The following MED16 variants were observed in gnomAD, a reference collection of about 807,000 sequenced individuals.
The protein encoded by MED16 is mediator of RNA polymerase II transcription subunit 16.
In MED16, 81 loss-of-function variants were observed where a neutral mutation model predicts 84.4. The observed-to-expected ratio is 0.96, with a 90% CI of 0.80 to 1.15. The LOEUF is 1.15. Among genes scored for constraint, MED16 ranks in the 50% most tolerant of loss-of-function variants. MED16 has a pLI of 0.00. For missense variants in MED16, 1,585 were observed against 1,245.9 expected (o/e 1.27, Z -4.10); for synonymous variants, 897 against 552.2 (o/e 1.62, Z -8.76).
intron 10 of MED16, 65 bp downstream of exon 10, chr19:875,179 A>G: frequency 8.7e-7 from 1 of 1,148,318 alleles, no homozygotes; most frequent in East Asian, 2.7e-5. Context: ...AGTAAAAAAA[A>G]TAAATAAAAA....
At chr19:888,961 C>A (rs1272623114) in intron 4 of MED16, among the ~76,000 whole-genome samples, 1 of 152,194 alleles carries the variant, frequency 6.6e-6, no homozygotes, top group African/African-American at 2.4e-5. Context: ...CGAGACCCTG[C>A]CGTCAGTGAG....
chr19:870,870 G>A (rs1228759964), intron 13 of MED16, among the ~76,000 whole-genome samples, 167 bp downstream of exon 13: 4 of 144,104 alleles, frequency 2.8e-5, no homozygotes, highest in Non-Finnish European at 4.6e-5. Flanking sequence ...AGGGAGCCGT[G>A]TGGATTCGGG....
chr19:871,433 C>G (rs1178756009), intron 12 of MED16, among the ~76,000 whole-genome samples, 180 bp from the exon 13 acceptor site: 1 of 152,020 alleles, frequency 6.6e-6, no homozygotes, highest in African/African-American at 2.4e-5. Context: ...GCCTGCCTGG[C>G]TGGGTGACCC....
intron 12 of MED16, chr19:871,604 GC>G: frequency 1.3e-6 from 2 of 1,595,642 alleles, no homozygotes; most frequent in Non-Finnish European, 1.7e-6. Flanking sequence ...GCAAACAGGT[GC>G]CTGGAAGTGG....
intron 6 of MED16, among the ~76,000 whole-genome samples, chr19:884,661 G>A (rs1025986346): frequency 6.6e-6 from 1 of 152,222 alleles, no homozygotes; most frequent in Non-Finnish European, 1.5e-5. Context: ...CGCACAGAAT[G>A]GTGGCAGCCG....
At chr19:892,903 G>A (rs2036669596) in intron 1 of MED16, 183 bp downstream of exon 1, 2 of 42,966 alleles carry the variant, frequency 4.7e-5, no homozygotes, top group South Asian at 4.6e-4. Flanking sequence ...CGCGCCCCGC[G>A]CCCCGCGCCC....
In MED16 at chr19:884,889, G is replaced by GGCGGGAGACTCACCCAC. The variant is rs2036494435; in HGVS notation, c.982_985+13dup. The GGCGGGAGACTCACCCAC allele has an allele frequency of 3.1e-6, 5 of 1,593,482 alleles. No homozygotes were observed. In the South Asian group the frequency reaches 4.5e-5, roughly 14 times the overall value. On this transcript the variant is annotated intron_variant, in intron 6 of 15. Coordinates refer to ENST00000325464, the MANE Select transcript of MED16 (RefSeq NM_005481.3). ...GGGCAGGCCCAGGGCCTCCGCAGCC[G>GGCGGGAGACTCACCCAC]GCGGGAGACTCACCCACGGGGGAGA...
In MED16 at chr19:890,056, C is replaced by G. The variant is rs146923019; in HGVS notation, c.277+81G>C. On this transcript the variant is annotated intron_variant, in intron 3 of 15. Coordinates refer to ENST00000325464, the MANE Select transcript of MED16 (RefSeq NM_005481.3). Reference sequence around the variant, plus strand: ...GGGCTCTAGACCCAGCGCCGGACTCCAGACTGACCGGAGAAACACAGGGCC... The same window carrying G: ...GGGCTCTAGACCCAGCGCCGGACTCGAGACTGACCGGAGAAACACAGGGCC... 868 of 1,154,690 alleles carry G rather than the reference C, an allele frequency of 7.5e-4. 11 individuals are homozygous for G. In the African/African-American group the frequency reaches 0.012, roughly 16 times the overall value. 71.5% of individuals were successfully genotyped at this position (1,154,690 alleles called of 1,614,324 possible).
At chr19:891,547 C>T (rs1320700267) in intron 1 of MED16, among the ~76,000 whole-genome samples, 1 of 152,118 alleles carries the variant, frequency 6.6e-6, no homozygotes, top group Non-Finnish European at 1.5e-5. Context: ...GAAGAGCCCG[C>T]AGACAGGCAA....
intron 12 of MED16, 26 bp from the exon 13 acceptor site, chr19:871,279 C>T (rs2036046939): frequency 6.6e-7 from 1 of 1,520,994 alleles, no homozygotes; most frequent in Admixed American, 2.0e-5. Flanking sequence ...GCGGAAGTCT[C>T]AGCACCCCTG....
intron 6 of MED16, among the ~76,000 whole-genome samples, chr19:883,417 G>A (rs570929892): frequency 6.9e-6 from 1 of 145,522 alleles, no homozygotes; most frequent in African/African-American, 2.6e-5. Flanking sequence ...AGCCTGGCAC[G>A]GTGGGCACGT....
At chr19:884,881 C>T in intron 6 of MED16, 22 bp downstream of exon 6, 1 of 1,584,000 alleles carries the variant, frequency 6.3e-7, no homozygotes, top group African/African-American at 1.3e-5. Flanking sequence ...CCCAGGGCCT[C>T]CGCAGCCGGC....
At position 868,422 on chromosome 19, in the gene MED16, T is replaced by C. The variant is rs778924170; in HGVS notation, c.2477A>G (p.Asn826Ser). 1 of 1,610,378 alleles carries C rather than the reference T, an allele frequency of 6.2e-7. No individual in the cohort carries two copies. Among genetic ancestry groups the C allele is most frequent in the Non-Finnish European group, 8.5e-7 (1 of 1,179,862 alleles). ...VKQWEQRWIK[N>S]CLAVEGRGPD... is the part of the protein sequence containing the mutation. ...CCACCAGAGCCCACCGCACAGGCAG[T>C]TCTTGATCCAGCGCTGCTCCCACTG... The change falls in exon 15 of 16, where the codon AAC becomes AGC. Residue 826 changes from asparagine to serine, a missense_variant. Physicochemically the swap from Asn to Ser is conservative, Grantham distance 46. Transcript: ENST00000325464.
At chr19:878,263 C>T (rs2036312557) in intron 8 of MED16, among the ~76,000 whole-genome samples, 1 of 73,262 alleles carries the variant, frequency 1.4e-5, no homozygotes, top group Non-Finnish European at 2.6e-5. Context: ...GCCCCACGGG[C>T]CCCAGCAGCT....
At chr19:869,149 C>T (rs532344434) in intron 13 of MED16, among the ~76,000 whole-genome samples, 5 of 151,786 alleles carry the variant, frequency 3.3e-5, no homozygotes, top group South Asian at 2.1e-4. Context: ...ACCCCCCACA[C>T]GGAGGAGGGT....
intron 7 of MED16, 127 bp from the exon 8 acceptor site, chr19:880,275 C>T (rs899552024): frequency 3.8e-6 from 3 of 784,446 alleles, no homozygotes; most frequent in Non-Finnish European, 3.8e-6. Context: ...CCCCGCCAAT[C>T]GGCATCCAGC....
intron 8 of MED16, among the ~76,000 whole-genome samples, chr19:878,427 G>A (rs1340151340): frequency 5.1e-5 from 4 of 78,504 alleles, no homozygotes; most frequent in African/African-American, 2.1e-4. Context: ...ATGTCCACCA[G>A]CCCCAGCCCC....
At chr19:884,115 C>T (rs887420115) in intron 6 of MED16, among the ~76,000 whole-genome samples, 4 of 152,188 alleles carry the variant, frequency 2.6e-5, no homozygotes, top group Non-Finnish European at 5.9e-5. Context: ...CGTGCCCCCA[C>T]GTCTGGCCAC....
chr19:887,963 G>A (rs1480467432), intron 4 of MED16, among the ~76,000 whole-genome samples: 1 of 152,058 alleles, frequency 6.6e-6, no homozygotes, highest in Non-Finnish European at 1.5e-5. Flanking sequence ...AGCACTTTGG[G>A]AGGCCAAGAC....
Sources: gnomAD v4.1 joint callset for allele counts (sites outside exome capture counted in the v4.1 genomes callset) on GRCh38, gnomAD v4.1.1 for gene constraint, MANE v1.5 for transcripts, NCBI Gene and HGNC (gene_info 2026-07-23, HGNC 2026-07-21) for gene names.